RAPGEF6: variants seen among roughly 807,000 people sequenced by gnomAD.
RAPGEF6 encodes the protein Rap guanine nucleotide exchange factor 6, also known as PDZ domain containing guanine nucleotide exchange factor (GEF) 2.
Under a neutral mutation model 171.4 loss-of-function variants are expected in RAPGEF6, and 56 were observed. The ratio of observed to expected loss-of-function variants is 0.33; its 90% CI spans 0.26 to 0.41. RAPGEF6 has a LOEUF of 0.41. Among genes scored for constraint, RAPGEF6 ranks in the 10% least tolerant of loss-of-function variants. The pLI is 1.00. For missense variants in RAPGEF6, 1,674 were observed against 1,921.4 expected, an observed-to-expected ratio of 0.87 and a Z score of 2.41; for synonymous variants, 692 against 650.1, an observed-to-expected ratio of 1.06 and a Z score of -0.98.
chr5:131,552,048 G>T (rs1760953595), intron 5 of RAPGEF6, among the ~76,000 whole-genome samples: 1 of 152,054 alleles, frequency 6.6e-6, no homozygotes. Context: ...TAAAGTCCTT[G>T]ATCTACCAGA....
intron 21 of RAPGEF6, among the ~76,000 whole-genome samples, chr5:131,452,487 G>C (rs942870904): frequency 4.6e-5 from 7 of 151,980 alleles, no homozygotes; most frequent in African/African-American, 1.4e-4. Context: ...ATGGTTTACA[G>C]GAATGAAGTA....
rs545964933 is a variant in RAPGEF6, at chr5:131,555,383, T to C, written c.351+6595A>G. On this transcript the variant is annotated intron_variant, in intron 5 of 27. Coordinates refer to ENST00000509018, the MANE Select transcript of RAPGEF6 (RefSeq NM_016340.6). Reference sequence around the variant, plus strand: ...AACCCTAGGAAACACATTTTTTTTCTTAAGGTGAAATAATTTGGTAAATAC... The same window carrying C: ...AACCCTAGGAAACACATTTTTTTTCCTAAGGTGAAATAATTTGGTAAATAC... 6.9e-3 allele frequency among the ~76,000 whole-genome samples: 1,011 copies of C among 147,254 alleles called. 6 individuals carry two copies. The highest frequency in any genetic ancestry group is 0.011 in the Non-Finnish European group (739 of 66,490).
chr5:131,505,017 T>C (rs1757276674), intron 10 of RAPGEF6, among the ~76,000 whole-genome samples: 1 of 151,880 alleles, frequency 6.6e-6, no homozygotes, highest in Non-Finnish European at 1.5e-5. Context: ...CTCTCAAAAC[T>C]GACACTATGT....
chr5:131,627,086 G>A (rs1446549590), intron 1 of RAPGEF6, among the ~76,000 whole-genome samples: 2 of 152,062 alleles, frequency 1.3e-5, no homozygotes, highest in Admixed American at 6.6e-5. Context: ...AAGATTCAGG[G>A]GACAAAGTTT....
At chr5:131,463,837 C>A in intron 18 of RAPGEF6, 2 of 1,233,352 alleles carry the variant, frequency 1.6e-6, no homozygotes, top group Admixed American at 3.8e-5. Context: ...TCAGCTTCCT[C>A]TATAAAAAAA....
chr5:131,579,443 G>C (rs898664619), intron 4 of RAPGEF6, among the ~76,000 whole-genome samples: 2 of 152,176 alleles, frequency 1.3e-5, no homozygotes, highest in Non-Finnish European at 2.9e-5. Flanking sequence ...ATTTTACAGA[G>C]AGCTGATTAG....
chr5:131,592,784 A>T (rs1307404916), intron 3 of RAPGEF6, among the ~76,000 whole-genome samples: 2 of 152,216 alleles, frequency 1.3e-5, no homozygotes, highest in Non-Finnish European at 2.9e-5. Context: ...TTTCAGTTTA[A>T]TTAAAGCTTT....
At chr5:131,630,103 G>A (rs1202103496) in intron 1 of RAPGEF6, among the ~76,000 whole-genome samples, 1 of 152,150 alleles carries the variant, frequency 6.6e-6, no homozygotes, top group East Asian at 1.9e-4. Flanking sequence ...ATGAAAGAAA[G>A]TCAATTGATG....
At chr5:131,591,463 T>C (rs1763585451) in intron 4 of RAPGEF6, among the ~76,000 whole-genome samples, 1 of 152,172 alleles carries the variant, frequency 6.6e-6, no homozygotes, top group Admixed American at 6.5e-5. Context: ...TAGCTTATGC[T>C]ATGAAAGAGG....
intron 6 of RAPGEF6, among the ~76,000 whole-genome samples, chr5:131,533,212 A>ACACACC (rs1347157434): frequency 5.6e-5 from 8 of 142,304 alleles, no homozygotes; most frequent in East Asian, 2.1e-4. Context: ...ACACACACAC[A>ACACACC]CCCCATCCTC....
intron 6 of RAPGEF6, among the ~76,000 whole-genome samples, chr5:131,546,346 C>T (rs956676980): frequency 2.6e-5 from 4 of 152,148 alleles, no homozygotes; most frequent in African/African-American, 9.7e-5. Context: ...TGGCTCATGC[C>T]TGTAATCCCA....
intron 4 of RAPGEF6, among the ~76,000 whole-genome samples, chr5:131,567,675 G>C (rs1341101030): frequency 2.0e-5 from 3 of 151,764 alleles, no homozygotes; most frequent in Non-Finnish European, 2.9e-5. Context: ...CCCTATCCTG[G>C]AGAATGACCC....
intron 1 of RAPGEF6, 22 bp from the exon 2 acceptor site, chr5:131,604,715 T>A (rs1220822722): frequency 2.5e-6 from 4 of 1,583,340 alleles, no homozygotes; most frequent in Non-Finnish European, 3.4e-6. Context: ...AAGAAAAAAA[T>A]TAGATTATTT....
intron 25 of RAPGEF6, among the ~76,000 whole-genome samples, chr5:131,431,581 T>C (rs1751711401): frequency 6.6e-6 from 1 of 152,130 alleles, no homozygotes; most frequent in Non-Finnish European, 1.5e-5. Flanking sequence ...CAAAATTTCC[T>C]TAGAATTTTT....
chr5:131,427,347 A>G, intron 27 of RAPGEF6, 56 bp from the exon 28 acceptor site: 1 of 1,400,174 alleles, frequency 7.1e-7, no homozygotes, highest in Non-Finnish European at 9.9e-7. Context: ...TGAGATCCTA[A>G]TAATCTAGTT....
chr5:131,528,286 TAAATA>T (rs1343747946), intron 6 of RAPGEF6, among the ~76,000 whole-genome samples: 5 of 116,542 alleles, frequency 4.3e-5, no homozygotes, highest in Non-Finnish European at 8.4e-5. Flanking sequence ...TATATATATA[TAAATA>T]AAATAAAATA....
At chr5:131,489,476 C>G in intron 15 of RAPGEF6, 70 bp downstream of exon 15, 1 of 831,382 alleles carries the variant, frequency 1.2e-6, no homozygotes, top group East Asian at 2.7e-5. Flanking sequence ...ATCTTTTCTT[C>G]CACTGTAATG....
intron 22 of RAPGEF6, among the ~76,000 whole-genome samples, chr5:131,444,755 G>GT (rs1167892215): frequency 6.6e-6 from 1 of 152,108 alleles, no homozygotes; most frequent in Non-Finnish European, 1.5e-5. Context: ...CCATGAGGGT[G>GT]TATATAAACT....
intron 7 of RAPGEF6, among the ~76,000 whole-genome samples, chr5:131,512,115 A>T (rs1369324151): frequency 6.6e-6 from 1 of 152,202 alleles, no homozygotes; most frequent in African/African-American, 2.4e-5. Flanking sequence ...AAAGACTCAG[A>T]GCAACAAAGC....
Sources: allele counts gnomAD v4.1 joint callset (sites outside exome capture counted in the v4.1 genomes callset), GRCh38; gene constraint gnomAD v4.1.1; transcripts MANE v1.5; gene names NCBI Gene and HGNC (gene_info 2026-07-23, HGNC 2026-07-21).